The following SHLD1 variants were observed in gnomAD, a reference collection of about 807,000 sequenced individuals.
SHLD1 encodes shieldin complex subunit 1, also known as RINN1-REV7-interacting novel NHEJ regulator 3.
In SHLD1, 3 loss-of-function variants were observed where a neutral mutation model predicts 5.5. The observed-to-expected ratio is 0.54, with a 90% CI of 0.25 to 1.40. The LOEUF is 1.40. SHLD1 is among the 40% of genes most tolerant of loss of function. The pLI, the probability that SHLD1 is intolerant of heterozygous loss-of-function variation, is 0.15. For synonymous variants in SHLD1, 92 were observed against 94.3 expected (o/e 0.98, Z 0.14); for missense variants, 210 against 244.4 (o/e 0.86, Z 0.94).
intron 2 of SHLD1, among the ~76,000 whole-genome samples, chr20:5,777,292 A>G (rs539718500): frequency 6.6e-5 from 10 of 152,170 alleles, no homozygotes; most frequent in East Asian, 5.8e-4. Context: ...CCCAGCCCAA[A>G]CATCACCACT....
rs1029737384 is a variant in SHLD1 at position 5,790,867 on chromosome 20, A to C, written c.178+17824A>C. On this transcript the variant is annotated intron_variant, in intron 2 of 2. Coordinates refer to ENST00000303142, the MANE Select transcript of SHLD1 (RefSeq NM_152504.4). Reference sequence around the variant, plus strand: ...AACCAAAAAATTACGACTTGAATGAAAAAAGACAGTCATGGCTGAGCGCGG... The same window carrying C: ...AACCAAAAAATTACGACTTGAATGACAAAAGACAGTCATGGCTGAGCGCGG... Among the ~76,000 whole-genome samples the C allele has an allele frequency of 5.2e-4, 79 of 152,200 alleles. 2 individuals carry two copies. Among genetic ancestry groups the C allele is most frequent in the Non-Finnish European group, 8.8e-5 (6 of 68,040 alleles).
rs1568490041 is a variant in SHLD1 at position 5,764,150 on chromosome 20, ATTTATATT to A, written c.-4-8710_-4-8703del. 6.0e-3 allele frequency among the ~76,000 whole-genome samples: 334 copies of A among 56,110 alleles called. 4 individuals carry two copies. The highest frequency in any genetic ancestry group is 0.049 in the East Asian group (114 of 2,336). 36.8% of individuals were successfully genotyped at this position (56,110 alleles called of 152,430 possible). A position where few individuals can be genotyped will look rare whatever the true frequency, so the allele number is the denominator to read the frequency against. ...TCAAAAAAAAAAAAAATATATATAT[ATTTATATT>A]TATATATATATATATATTTTTATAT... On this transcript the variant is annotated intron_variant, in intron 1 of 2. Coordinates refer to ENST00000303142, the MANE Select transcript of SHLD1 (RefSeq NM_152504.4).
At chr20:5,817,468 G>GTA (rs765893560) in intron 2 of SHLD1, among the ~76,000 whole-genome samples, 21,639 of 121,284 alleles carry the variant, frequency 0.18, 1,850 homozygotes, top group Non-Finnish European at 0.26. Flanking sequence ...GTGTGTGTGT[G>GTA]TGTGTTGGGA....
At chr20:5,757,749 C>A (rs1216063272) in intron 1 of SHLD1, among the ~76,000 whole-genome samples, 1 of 151,830 alleles carries the variant, frequency 6.6e-6, no homozygotes, top group East Asian at 2.0e-4. Flanking sequence ...ATTACAGGTG[C>A]CCACCACCAC....
At chr20:5,849,497 C>A (rs943417474) in intron 2 of SHLD1, among the ~76,000 whole-genome samples, 3 of 152,236 alleles carry the variant, frequency 2.0e-5, no homozygotes, top group African/African-American at 7.2e-5. Context: ...AGCATCAAAT[C>A]TCAGCCCTCT....
At chr20:5,809,074 A>G (rs530093710) in intron 2 of SHLD1, among the ~76,000 whole-genome samples, 1 of 152,202 alleles carries the variant, frequency 6.6e-6, no homozygotes, top group African/African-American at 2.4e-5. Flanking sequence ...AGGTAGAACT[A>G]AAAAAGAATA....
At chr20:5,819,642 C>CA (rs773273990) in intron 2 of SHLD1, among the ~76,000 whole-genome samples, 1 of 152,092 alleles carries the variant, frequency 6.6e-6, no homozygotes, top group Non-Finnish European at 1.5e-5. Context: ...GGCAACACAG[C>CA]AAGACCCTGT....
intron 2 of SHLD1, among the ~76,000 whole-genome samples, chr20:5,782,715 T>A (rs2087003250): frequency 6.6e-6 from 1 of 152,226 alleles, no homozygotes; most frequent in Non-Finnish European, 1.5e-5. Context: ...TTGTAACTTG[T>A]GTATTTAGGC....
chr20:5,803,328 A>G (rs1348831042), intron 2 of SHLD1, among the ~76,000 whole-genome samples: 1 of 152,026 alleles, frequency 6.6e-6, no homozygotes. Flanking sequence ...ATGCCTGGCT[A>G]ATTTTTTAAA....
chr20:5,772,207 T>C (rs1311313809), intron 1 of SHLD1: 4 of 453,464 alleles, frequency 8.8e-6, no homozygotes, highest in African/African-American at 8.0e-5. Context: ...AGAAAGTATT[T>C]TGTGGCCTAT....
At chr20:5,826,424 C>G (rs995916382) in intron 2 of SHLD1, among the ~76,000 whole-genome samples, 9 of 150,804 alleles carry the variant, frequency 6.0e-5, no homozygotes, top group African/African-American at 2.2e-4. Context: ...ATTCTGATAC[C>G]TGTACAAAAT....
At chr20:5,858,704 A>T (rs1343477406) in intron 2 of SHLD1, among the ~76,000 whole-genome samples, 1 of 152,112 alleles carries the variant, frequency 6.6e-6, no homozygotes, top group African/African-American at 2.4e-5. Context: ...GCATGGTGGC[A>T]CACACCTGTG....
intron 2 of SHLD1, among the ~76,000 whole-genome samples, chr20:5,800,998 T>C (rs567115721): frequency 5.5e-4 from 83 of 152,146 alleles, no homozygotes; most frequent in Middle Eastern, 3.4e-3. Flanking sequence ...TTTAAAAAAC[T>C]ATAGACTATT....
At chr20:5,818,232 C>T (rs1005339377) in intron 2 of SHLD1, among the ~76,000 whole-genome samples, 2 of 152,044 alleles carry the variant, frequency 1.3e-5, no homozygotes, top group African/African-American at 4.8e-5. Context: ...CCTGCCACCA[C>T]GCCTGGCTAA....
At chr20:5,854,706 A>G (rs919289534) in intron 2 of SHLD1, among the ~76,000 whole-genome samples, 7 of 152,290 alleles carry the variant, frequency 4.6e-5, no homozygotes, top group South Asian at 2.1e-4. Context: ...ATTTTGAAGC[A>G]TATAGTTCTG....
intron 2 of SHLD1, among the ~76,000 whole-genome samples, chr20:5,819,568 T>C (rs2087581257): frequency 6.6e-6 from 1 of 152,186 alleles, no homozygotes; most frequent in African/African-American, 2.4e-5. Flanking sequence ...ACATCTGTAA[T>C]CCCAGCACTT....
chr20:5,790,352 C>T (rs2087120986), intron 2 of SHLD1, among the ~76,000 whole-genome samples: 1 of 152,182 alleles, frequency 6.6e-6, no homozygotes, highest in South Asian at 2.1e-4. Flanking sequence ...CCAGATAAAC[C>T]AAACAGATCA....
chr20:5,761,176 T>G (rs181768605), intron 1 of SHLD1, among the ~76,000 whole-genome samples: 4 of 152,112 alleles, frequency 2.6e-5, no homozygotes, highest in Middle Eastern at 3.4e-3. Context: ...AAACACCACA[T>G]GTTCTCACTC....
intron 2 of SHLD1, among the ~76,000 whole-genome samples, chr20:5,811,388 T>C (rs2087456817): frequency 6.6e-6 from 1 of 152,062 alleles, no homozygotes; most frequent in African/African-American, 2.4e-5. Context: ...CCCAGAAAGG[T>C]GAAATCTCAC....
Sources: gnomAD v4.1 joint callset for allele counts (sites outside exome capture counted in the v4.1 genomes callset) on GRCh38, gnomAD v4.1.1 for gene constraint, MANE v1.5 for transcripts, NCBI Gene and HGNC (gene_info 2026-07-23, HGNC 2026-07-21) for gene names.